The following MUC5AC variants were observed in gnomAD, a reference collection of about 807,000 sequenced individuals.
The protein encoded by MUC5AC is mucin-5AC.
In MUC5AC, 158 loss-of-function variants were observed where a neutral mutation model predicts 169.7. That is an observed-to-expected ratio of 0.93 (90% CI 0.82 to 1.06). MUC5AC has a LOEUF of 1.06. Ranked by LOEUF, MUC5AC falls within the 50% of genes least tolerant of loss-of-function variation. The pLI is 0.00. For missense variants in MUC5AC, 4,359 were observed against 3,089.9 expected (o/e 1.41, Z -9.74); for synonymous variants, 1,975 against 1,237.0 (o/e 1.60, Z -12.52).
Position 1,177,354 on chromosome 11 carries a change from G to T in MUC5AC, c.2907+10G>T, listed in dbSNP as rs981629558. ...CAAGATTTTCCTGGGGGTGAGCGAG[G>T]CTGGGTGGTCGCATGCCCTCCAGGA... On this transcript the variant is annotated intron_variant, in intron 23 of 48. Transcript: ENST00000621226. The T allele has an allele frequency of 2.3e-6, 1 of 439,388 alleles. No individual in the cohort carries two copies. Among genetic ancestry groups the T allele is most frequent in the Non-Finnish European group, 4.0e-6 (1 of 247,974 alleles). 27.2% of individuals were successfully genotyped at this position (439,388 alleles called of 1,614,324 possible). A position where few individuals can be genotyped will look rare whatever the true frequency, so the allele number is the denominator to read the frequency against.
Position 1,191,621 on chromosome 11 carries a change from T to A in MUC5AC, c.13476T>A (p.Ala4492=), listed in dbSNP as rs137895563. 1.5e-6 allele frequency: 1 copy of A among 678,804 alleles called. No homozygotes were observed. Among genetic ancestry groups the A allele is most frequent in the Non-Finnish European group, 2.6e-6 (1 of 377,532 alleles). The allele number at this position is 678,804 out of a possible 1,614,324, so 42.0% of individuals were successfully genotyped here. A position where few individuals can be genotyped will look rare whatever the true frequency, so the allele number is the denominator to read the frequency against. ...SPVPTTSTTS[A]PTTSTTSAST... ...TTCCCACCACCAGCACAACCTCTGC[T>A]CCTACAACCAGCACAACCTCTGCCT... The change falls in exon 31 of 49, where the codon GCT becomes GCA. Residue 4492 remains alanine (A), a synonymous_variant. Transcript: ENST00000621226.
At position 1,168,727 on chromosome 11, in the gene MUC5AC, C is replaced by T; in HGVS notation, c.1653C>T (p.Pro551=). ...TGCAGCTGAACCTGCAGCTGGTGCC[C>T]ACCATGCAGCTGTTCATGCAGCTGG... The part of the protein sequence containing the change: ...LGLQLNLQLV[P]TMQLFMQLAP... Residue 551 remains proline (P), a synonymous_variant, in exon 14 of 49, where the codon CCC becomes CCT. Coordinates refer to ENST00000621226, the MANE Select transcript of MUC5AC (RefSeq NM_001304359.2). 1 of 1,609,926 alleles carries T rather than the reference C, an allele frequency of 6.2e-7. No homozygotes were observed. The highest frequency in any genetic ancestry group is 1.7e-5 in the Admixed American group (1 of 59,968).
In MUC5AC at chr11:1,165,665, C is replaced by T; in HGVS notation, c.1291C>T (p.Pro431Ser). 1 of 1,612,474 alleles carries T rather than the reference C, an allele frequency of 6.2e-7. No individual in the cohort carries two copies. The highest frequency in any genetic ancestry group is 8.5e-7 in the Non-Finnish European group (1 of 1,179,768). Residue 431 changes from proline (P) to serine (S), a missense_variant, in exon 11 of 49, where the codon CCG (proline) becomes TCG (serine). Transcript: ENST00000621226. ...GRWSCQEVPC[P>S]GTCSVLGGAH... is the part of the protein sequence containing the mutation. ...GTGGAGCTGCCAGGAGGTTCCATGC[C>T]CGGGTACCTGCTCTGTGCTTGGAGG...
rs900118559 is a variant in MUC5AC at position 1,181,059 on chromosome 11, C to T, written c.3777-80C>T. Reference sequence around the variant, plus strand: ...ACCCCTGTCGGAGCTGCTCCCTGCCCGCCGTTGGTAGCATGGGATGCCCGT... The same window carrying T: ...ACCCCTGTCGGAGCTGCTCCCTGCCTGCCGTTGGTAGCATGGGATGCCCGT... On this transcript the variant is annotated intron_variant, in intron 28 of 48. Transcript: ENST00000621226. The T allele has an allele frequency of 2.0e-4, 80 of 398,456 alleles. No homozygotes were observed. The Middle Eastern group carries it at 3.1e-3, about 16-fold the overall frequency. The allele number at this position is 398,456 out of a possible 1,614,324, so 24.7% of individuals were successfully genotyped here.
chr11:1,160,564 C>A, intron 1 of MUC5AC, 48 bp from the exon 2 acceptor site: 1 of 1,533,724 alleles, frequency 6.5e-7, no homozygotes, highest in East Asian at 2.4e-5. Flanking sequence ...AGCCTGAGCC[C>A]CCTCAGCCAC....
intron 4 of MUC5AC, 95 bp from the exon 5 acceptor site, chr11:1,162,437 G>A (rs567126846): frequency 1.7e-6 from 2 of 1,182,740 alleles, no homozygotes; most frequent in South Asian, 1.3e-5. Context: ...TCACGGTCAC[G>A]ATGACCGTGT....
In MUC5AC at chr11:1,192,391, C is replaced by T. The variant is rs765406905; in HGVS notation, c.14246C>T (p.Pro4749Leu). 3.9e-6 allele frequency: 3 copies of T among 765,034 alleles called. No individual in the cohort carries two copies. The highest frequency in any genetic ancestry group is 7.2e-6 in the Non-Finnish European group (3 of 417,910). The allele number at this position is 765,034 out of a possible 1,614,324, so 47.4% of individuals were successfully genotyped here. A position where few individuals can be genotyped will look rare whatever the true frequency, so the allele number is the denominator to read the frequency against. Residue 4749 changes from proline (P) to leucine (L), a missense_variant, in exon 31 of 49, where the codon CCT (proline) becomes CTT (leucine). Pro to Leu is a moderately conservative substitution (Grantham distance 98). Transcript: ENST00000621226. Reference protein sequence around the residue: ...YGTSPTNALYPSLSTSMVSAS... With the variant: ...YGTSPTNALYLSLSTSMVSAS... Reference sequence around the variant, plus strand: ...ACTTCTCCTACCAATGCTCTGTATCCTTCCCTGTCTACTTCCATGGTATCC... The same window carrying T: ...ACTTCTCCTACCAATGCTCTGTATCTTTCCCTGTCTACTTCCATGGTATCC...
chr11:1,179,706 C>T (rs1334743375), intron 26 of MUC5AC, among the ~76,000 whole-genome samples: 2 of 149,440 alleles, frequency 1.3e-5, no homozygotes, highest in South Asian at 2.1e-4. Flanking sequence ...GGGAGGAGGG[C>T]GTGGCTGACG....
Position 1,190,112 on chromosome 11 carries a change from A to T in MUC5AC, c.11967A>T (p.Lys3989Asn). 1.3e-6 allele frequency: 1 copy of T among 762,074 alleles called. No individual in the cohort carries two copies. The highest frequency in any genetic ancestry group is 1.3e-5 in the South Asian group (1 of 74,140). 47.2% of individuals were successfully genotyped at this position (762,074 alleles called of 1,614,324 possible). A position where few individuals can be genotyped will look rare whatever the true frequency, so the allele number is the denominator to read the frequency against. ...ACAACATCATCAGGAGTGGGGAAAA[A>T]ATCTGCCGCCGACCTGAGGAGATCA... is the stretch of plus-strand genomic sequence containing the variant. ...TYNNIIRSGE[K>N]ICRRPEEITR... The change falls in exon 31 of 49, where the codon AAA becomes AAT. Residue 3989 changes from lysine (K) to asparagine (N), a missense_variant. Coordinates refer to ENST00000621226, the MANE Select transcript of MUC5AC (RefSeq NM_001304359.2).
Position 1,174,633 on chromosome 11 carries a change from G to C in MUC5AC, c.2092+11G>C. 9.8e-7 allele frequency: 1 copy of C among 1,021,980 alleles called. No homozygotes were observed. The allele number at this position is 1,021,980 out of a possible 1,614,324, so 63.3% of individuals were successfully genotyped here. A position where few individuals can be genotyped will look rare whatever the true frequency, so the allele number is the denominator to read the frequency against. ...GGGACGGCGTCTGCAGTGAGTGCCT[G>C]CCAAGCCCAGCCCCTTTCCCTCGCT... On this transcript the variant is annotated intron_variant, in intron 17 of 48. Transcript: ENST00000621226.
At position 1,175,862 on chromosome 11, in the gene MUC5AC, C is replaced by T. The variant is rs1336230850; in HGVS notation, c.2402-289C>T. ...GCACTCACACACCCACTTATGGACA[C>T]GCTCACACATCCACTCATGCACATG... On this transcript the variant is annotated intron_variant, in intron 19 of 48. Transcript: ENST00000621226. Among the ~76,000 whole-genome samples the T allele has an allele frequency of 1.5e-3, 45 of 29,398 alleles. 1 individual carries two copies. The highest frequency in any genetic ancestry group is 0.017 in the Middle Eastern group (1 of 60). The allele number at this position is 29,398 out of a possible 152,430, so 19.3% of individuals were successfully genotyped here. A position where few individuals can be genotyped will look rare whatever the true frequency, so the allele number is the denominator to read the frequency against.
Position 1,181,346 on chromosome 11 carries a change from G to C in MUC5AC, c.3896G>C (p.Gly1299Ala). 1 of 398,732 alleles carries C rather than the reference G, an allele frequency of 2.5e-6. No homozygotes were observed. The highest frequency in any genetic ancestry group is 4.4e-6 in the Non-Finnish European group (1 of 226,184). The allele number at this position is 398,732 out of a possible 1,614,324, so 24.7% of individuals were successfully genotyped here. The change falls in exon 30 of 49, where the codon GGC becomes GCC. Residue 1299 changes from glycine to alanine, a missense_variant. Physicochemically the swap from Gly to Ala is moderately conservative, Grantham distance 60. Transcript: ENST00000621226. The part of the protein sequence containing the change: ...VIYHTTDGTG[G>A]CISARCGANG... ...TACCACACGACGGATGGCACGGGTGGCTGCATCTCCGCCCGCTGCGGGGCC... is the reference window on the plus strand; with the variant it reads ...TACCACACGACGGATGGCACGGGTGCCTGCATCTCCGCCCGCTGCGGGGCC...
chr11:1,193,819 C>A (rs1006255729), intron 33 of MUC5AC, among the ~76,000 whole-genome samples, 160 bp downstream of exon 33: 2 of 152,210 alleles, frequency 1.3e-5, no homozygotes, highest in Non-Finnish European at 2.9e-5. Context: ...CGCATGGGGC[C>A]GAGCCTCCCC....
intron 15 of MUC5AC, among the ~76,000 whole-genome samples, chr11:1,170,171 C>T (rs1268110284): frequency 1.9e-5 from 1 of 52,926 alleles, no homozygotes; most frequent in Admixed American, 1.5e-4. Context: ...ACTCACTCAC[C>T]CACTCACCCA....
chr11:1,176,767 G>A (rs1414349992), intron 21 of MUC5AC, 102 bp downstream of exon 21: 17 of 398,464 alleles, frequency 4.3e-5, no homozygotes, highest in Middle Eastern at 1.3e-3. Context: ...CCGGGAAAAC[G>A]CAGGGCACAG....
Position 1,179,128 on chromosome 11 carries a change from G to C in MUC5AC, c.3364G>C (p.Asp1122His). The part of the protein sequence containing the change: ...PARYYEACVN[D>H]ACACDSGGDC... ...CAGGTACTACGAGGCCTGCGTGAAC[G>C]ACGCGTGCGCCTGCGACTCCGGGGG... The change falls in exon 26 of 49, where the codon GAC becomes CAC. Residue 1122 changes from aspartate to histidine, a missense_variant. Asp to His is a moderately conservative substitution (Grantham distance 81). Coordinates refer to ENST00000621226, the MANE Select transcript of MUC5AC (RefSeq NM_001304359.2). 3.1e-6 allele frequency: 2 copies of C among 638,896 alleles called. No individual in the cohort carries two copies. The highest frequency in any genetic ancestry group is 5.7e-6 in the Non-Finnish European group (2 of 352,026). The allele number at this position is 638,896 out of a possible 1,614,324, so 39.6% of individuals were successfully genotyped here.
chr11:1,174,161 C>T (rs972365654), intron 16 of MUC5AC, among the ~76,000 whole-genome samples: 8 of 152,260 alleles, frequency 5.3e-5, no homozygotes, highest in Non-Finnish European at 1.2e-4. Flanking sequence ...GTTTGTTGCC[C>T]ACCTGGCCCC....
Position 1,180,472 on chromosome 11 carries a change from C to A in MUC5AC, c.3732C>A (p.Tyr1244Ter), listed in dbSNP as rs1860790317. ...GGTGCCACGTCCATGGGAAGTCCTA[C>A]CGGCCAGGTGCAGTGGTGCCCTCGG... is the stretch of plus-strand genomic sequence containing the variant. ...PPRCHVHGKS[Y>*]RPGAVVPSDK... The change falls in exon 28 of 49, where the codon TAC (tyrosine) becomes TAA (stop). Residue 1244 changes from tyrosine to a stop codon, truncating the protein, a stop_gained. Transcript: ENST00000621226. LOFTEE classifies it high-confidence loss of function. The A allele has an allele frequency of 2.5e-6, 1 of 398,948 alleles. No individual in the cohort carries two copies. Among genetic ancestry groups the A allele is most frequent in the Middle Eastern group, 6.3e-4 (1 of 1,590 alleles). 24.7% of individuals were successfully genotyped at this position (398,948 alleles called of 1,614,324 possible). A position where few individuals can be genotyped will look rare whatever the true frequency, so the allele number is the denominator to read the frequency against.
In MUC5AC at chr11:1,196,147, G is replaced by A. The variant is rs1028712798; in HGVS notation, c.15637+93G>A. On this transcript the variant is annotated intron_variant, in intron 37 of 48. Coordinates refer to ENST00000621226, the MANE Select transcript of MUC5AC (RefSeq NM_001304359.2). ...AACAGGGTGGGCTCGGGCAGTCAGG[G>A]GGGGACCTGGAGGAGGAGGGGGCAG... 7 of 635,954 alleles carry A rather than the reference G, an allele frequency of 1.1e-5. No homozygotes were observed. The East Asian group carries it at 1.6e-4, about 15-fold the overall frequency. 39.4% of individuals were successfully genotyped at this position (635,954 alleles called of 1,614,324 possible).
Sources: allele counts gnomAD v4.1 joint callset (sites outside exome capture counted in the v4.1 genomes callset), GRCh38; gene constraint gnomAD v4.1.1; transcripts MANE v1.5; gene names NCBI Gene and HGNC (gene_info 2026-07-23, HGNC 2026-07-21).